Variants in ANKRD26 observed in about 807,000 individuals in gnomAD.
ANKRD26 encodes ankyrin repeat domain-containing protein 26.
Under a neutral mutation model 208.7 loss-of-function variants are expected in ANKRD26, and 141 were observed. That is an observed-to-expected ratio of 0.68 (90% confidence interval 0.59 to 0.78). ANKRD26 has a LOEUF of 0.78. Among genes scored for constraint, ANKRD26 ranks in the 30% least tolerant of loss-of-function variants. The pLI is 0.00. For missense variants in ANKRD26, 1,889 were observed against 1,938.7 expected (o/e 0.97, Z 0.48); for synonymous variants, 636 against 660.4 (o/e 0.96, Z 0.57).
downstream of ANKRD26, among the ~76,000 whole-genome samples, chr10:26,988,405 A>G (rs1239495884): frequency 6.6e-6 from 1 of 152,162 alleles, no homozygotes; most frequent in Non-Finnish European, 1.5e-5. Context: ...TATTCCTGAG[A>G]GGAAGAGAGT....
downstream of ANKRD26, among the ~76,000 whole-genome samples, chr10:26,973,647 T>G (rs1407988858): frequency 8.2e-5 from 9 of 109,588 alleles, no homozygotes; most frequent in South Asian, 6.6e-4. Flanking sequence ...TTTTTATTTG[T>G]CCTTTTTTTT....
the ANKRD26 span, among the ~76,000 whole-genome samples, chr10:26,963,913 T>TTTGTTTTTTTTG: frequency 1.5e-5 from 2 of 136,896 alleles, no homozygotes; most frequent in African/African-American, 5.5e-5. Context: ...GTTTTTTTTT[T>TTTGTTTTTTTTG]TTTTTTTTTT....
intron 16 of ANKRD26, chr10:27,051,700 T>C (rs2054667115): frequency 1.0e-6 from 1 of 985,286 alleles, no homozygotes; most frequent in African/African-American, 1.7e-5. Context: ...TTTTCGAGAC[T>C]GAGTACTTTT....
At position 27,093,517 on chromosome 10, in the gene ANKRD26, T is replaced by C. The variant is rs1250347043; in HGVS notation, c.363A>G (p.Val121=). ...TTGCACATTTCTCTTCCTGGCATTG[T>C]ACAGCCTGGGAGTATTAGACCAAGA... ...NENRTALMKA[V]QCQEEKCATI... is the part of the protein sequence containing the mutation. The change falls in exon 3 of 34, where the codon GTA becomes GTG. Residue 121 remains valine, a synonymous_variant. Transcript: ENST00000376087. 1.2e-6 allele frequency: 2 copies of C among 1,614,056 alleles called. No homozygotes were observed. The highest frequency in any genetic ancestry group is 2.7e-5 in the African/African-American group (2 of 74,938).
intron 29 of ANKRD26, among the ~76,000 whole-genome samples, chr10:27,018,986 G>C (rs941776405): frequency 6.6e-6 from 1 of 152,096 alleles, no homozygotes; most frequent in African/African-American, 2.4e-5. Flanking sequence ...AGAAAAATGG[G>C]ACAATACTGG....
At chr10:27,093,252 C>T (rs2056356996) in intron 3 of ANKRD26, 97 bp downstream of exon 3, 2 of 1,137,338 alleles carry the variant, frequency 1.8e-6, no homozygotes, top group Non-Finnish European at 1.3e-6. Flanking sequence ...TCAGGGAATG[C>T]TTGCGCTTCC....
At chr10:26,995,880 T>A (rs1057282065) in intron 4 of ANKRD26, among the ~76,000 whole-genome samples, 1 of 152,072 alleles carries the variant, frequency 6.6e-6, no homozygotes, top group Non-Finnish European at 1.5e-5. Context: ...TGGGGAAAAA[T>A]TGGGTCCTCT....
At chr10:27,012,080 GTTCT>G (rs763285469) in intron 32 of ANKRD26, among the ~76,000 whole-genome samples, 9 of 152,166 alleles carry the variant, frequency 5.9e-5, no homozygotes, top group Non-Finnish European at 1.2e-4. Context: ...TTATCTTGGA[GTTCT>G]TTAAGTAATA....
intron 1 of ANKRD26, 131 bp downstream of exon 1, chr10:27,099,954 G>T (rs1230489091): frequency 7.0e-7 from 1 of 1,435,012 alleles, no homozygotes; most frequent in Non-Finnish European, 9.6e-7. Flanking sequence ...GCCCTGCAAG[G>T]TGTCACCGTC....
intron 1 of ANKRD26, among the ~76,000 whole-genome samples, chr10:27,094,096 CTT>C (rs1292820390): frequency 1.3e-5 from 2 of 152,110 alleles, no homozygotes; most frequent in African/African-American, 4.8e-5. Context: ...GCTTTTCCCT[CTT>C]TTGCTTGGCA....
chr10:27,072,510 A>G (rs943497306), intron 9 of ANKRD26, among the ~76,000 whole-genome samples: 1 of 152,158 alleles, frequency 6.6e-6, no homozygotes, highest in African/African-American at 2.4e-5. Flanking sequence ...ATGGTAGCAT[A>G]ACACAATGGA....
At position 27,012,335 on chromosome 10, in the gene ANKRD26, T is replaced by C. The variant is rs146458460; in HGVS notation, c.4953+547A>G. 2.5e-3 allele frequency among the ~76,000 whole-genome samples: 387 copies of C among 152,214 alleles called. 1 individual carries two copies. The highest frequency in any genetic ancestry group is 8.8e-3 in the African/African-American group (365 of 41,524). On this transcript the variant is annotated intron_variant, in intron 32 of 33. Transcript: ENST00000376087. ...AGAAATTTAAAATGTGACAGTTCAGTTACATTTATTGAATAAAGTTAACAA... is the reference window on the plus strand; with the variant it reads ...AGAAATTTAAAATGTGACAGTTCAGCTACATTTATTGAATAAAGTTAACAA...
intron 22 of ANKRD26, 45 bp downstream of exon 22, chr10:27,037,826 G>T: frequency 7.0e-7 from 1 of 1,428,290 alleles, no homozygotes; most frequent in Non-Finnish European, 9.6e-7. Context: ...TAATAGTGAT[G>T]AAATAAAGTT....
At chr10:27,070,528 A>T (rs913294298) in intron 9 of ANKRD26, among the ~76,000 whole-genome samples, 2 of 152,248 alleles carry the variant, frequency 1.3e-5, no homozygotes, top group Non-Finnish European at 2.9e-5. Context: ...AGTCAACAGG[A>T]TTCTGAGTTT....
chr10:27,043,503 G>A lies in ANKRD26; in HGVS notation c.2084C>T (p.Ser695Leu), dbSNP rs761887932. ...DDLTQSSETA[S>L]EDCELPHSSY... ...AGAGTGGGGTAGCTCACAATCCTCT[G>A]AGGCTGTTTCAGATGACTGAGTTAA... Residue 695 changes from serine (S) to leucine (L), a missense_variant, in exon 20 of 34, where the codon TCA (serine) becomes TTA (leucine). Around this residue, in one of 3 missense-constraint regions of ANKRD26, gnomAD observed 1,272 missense variants for 1,273.8 expected, o/e 1.00. Transcript: ENST00000376087. 4.3e-6 allele frequency: 7 copies of A among 1,613,930 alleles called. No homozygotes were observed.
At chr10:26,974,124 A>C (rs909836515) in exon 6 of ANKRD26, among the ~76,000 whole-genome samples, 2 of 152,158 alleles carry the variant, frequency 1.3e-5, no homozygotes, top group African/African-American at 4.8e-5. Flanking sequence ...TGAGTTAATA[A>C]GACCTAAATT....
intron 9 of ANKRD26, among the ~76,000 whole-genome samples, chr10:27,071,790 G>A (rs1015224972): frequency 9.2e-5 from 14 of 152,124 alleles, no homozygotes; most frequent in Non-Finnish European, 1.5e-4. Flanking sequence ...TGGGAAGCCC[G>A]GCAATCCAGG....
At position 27,077,510 on chromosome 10, in the gene ANKRD26, C is replaced by T; in HGVS notation, c.905G>A (p.Gly302Glu). 3 of 1,613,874 alleles carry T rather than the reference C, an allele frequency of 1.9e-6. No individual in the cohort carries two copies. The highest frequency in any genetic ancestry group is 2.5e-6 in the Non-Finnish European group (3 of 1,179,962). The change falls in exon 9 of 34, where the codon GGA (glycine) becomes GAA (glutamate). Residue 302 changes from glycine (G) to glutamate (E), a missense_variant. Coordinates refer to ENST00000376087, the MANE Select transcript of ANKRD26 (RefSeq NM_014915.3). ...LEATYGTVRT[G>E]NRTLFEDRDS... is the part of the protein sequence containing the mutation. ...TCTATCCTCAAACAAAGTTCTATTT[C>T]CTGTTCTCACAGTGCCATATGTTGC... is the stretch of plus-strand genomic sequence containing the variant.
rs1005624708 is a variant in ANKRD26, at chr10:27,100,480, G to T, written c.-154C>A. On this transcript the variant is annotated 5_prime_UTR_variant, in exon 1 of 34. Coordinates refer to ENST00000376087, the MANE Select transcript of ANKRD26 (RefSeq NM_014915.3). ...TCTCCCTCCGGGTTACCAAGCAAGC[G>T]ATCCCGCTAGACACAAGTGCGCATG... The T allele has an allele frequency of 5.2e-6, 6 of 1,164,666 alleles. No individual in the cohort carries two copies. The highest frequency in any genetic ancestry group is 4.7e-5 in the African/African-American group (3 of 64,488). The allele number at this position is 1,164,666 out of a possible 1,614,324, so 72.1% of individuals were successfully genotyped here.
Sources: allele counts gnomAD v4.1 joint callset (sites outside exome capture counted in the v4.1 genomes callset), GRCh38; gene constraint gnomAD v4.1.1; regional missense constraint gnomAD v4.1.1; transcripts MANE v1.5; gene names NCBI Gene and HGNC (gene_info 2026-07-23, HGNC 2026-07-21).